The following DENND5A variants were observed in gnomAD, a reference collection of about 807,000 sequenced individuals.
The protein encoded by DENND5A is DENN domain containing 5A, also known as DENN domain-containing protein 5A.
In DENND5A, 64 loss-of-function variants were observed where a neutral mutation model predicts 140.3. The observed-to-expected ratio is 0.46, with a 90% CI of 0.37 to 0.56. The LOEUF is 0.56. DENND5A is among the 20% of genes least tolerant of loss of function. DENND5A has a pLI of 0.00. For synonymous variants in DENND5A, 605 were observed against 607.7 expected (o/e 1.00, Z 0.07); for missense variants, 1,292 against 1,593.8 (o/e 0.81, Z 3.22).
intron 7 of DENND5A, 151 bp downstream of exon 7, chr11:9,178,706 AG>A: frequency 1.5e-6 from 1 of 670,850 alleles, no homozygotes; most frequent in Non-Finnish European, 2.5e-6. Context: ...ATAAGCAACA[AG>A]ACCTATTTTA....
At chr11:9,204,535 G>A (rs1019840713) in intron 3 of DENND5A, among the ~76,000 whole-genome samples, 2 of 152,198 alleles carry the variant, frequency 1.3e-5, no homozygotes, top group Non-Finnish European at 1.5e-5. Context: ...CAGGAACACA[G>A]CACAGACAAC....
chr11:9,248,954 C>G (rs1346551326), intron 1 of DENND5A, among the ~76,000 whole-genome samples: 1 of 152,048 alleles, frequency 6.6e-6, no homozygotes, highest in Non-Finnish European at 1.5e-5. Flanking sequence ...TAACCAAGTC[C>G]TGGCTGGGCG....
Position 9,152,383 on chromosome 11 carries a change from G to C in DENND5A, c.2496C>G (p.Leu832=). Residue 832 remains leucine, a synonymous_variant, in exon 13 of 23, where the codon CTC becomes CTG. Coordinates refer to ENST00000328194, the MANE Select transcript of DENND5A (RefSeq NM_015213.4). ...LHYQDNRQRK[L]TSGSLSTSGI... Reference sequence around the variant, plus strand: ...CTGAGGTACTGAGGCTTCCTGATGTGAGTTTTCTCTGCCGGTTGTCCTGAT... The same window carrying C: ...CTGAGGTACTGAGGCTTCCTGATGTCAGTTTTCTCTGCCGGTTGTCCTGAT... 6.2e-7 allele frequency: 1 copy of C among 1,613,668 alleles called. No individual in the cohort carries two copies. Among genetic ancestry groups the C allele is most frequent in the Non-Finnish European group, 8.5e-7 (1 of 1,179,562 alleles).
chr11:9,207,024 T>C (rs1293509278), intron 2 of DENND5A: 3 of 515,214 alleles, frequency 5.8e-6, no homozygotes, highest in Non-Finnish European at 6.9e-6. Context: ...CAAAATGAAA[T>C]TACTACTCAA....
At position 9,233,166 on chromosome 11, in the gene DENND5A, C is replaced by T. The variant is rs562607566; in HGVS notation, c.110-25534G>A. ...CTATAATCCCAACACTTTGGGAAGCCGAGGCAGGCGGATCACGAGGTCAGG... is the reference window on the plus strand; with the variant it reads ...CTATAATCCCAACACTTTGGGAAGCTGAGGCAGGCGGATCACGAGGTCAGG... On this transcript the variant is annotated intron_variant, in intron 1 of 22. Transcript: ENST00000328194. 2.0e-5 allele frequency among the ~76,000 whole-genome samples: 3 copies of T among 152,136 alleles called. No individual in the cohort carries two copies. The South Asian group carries it at 6.2e-4, about 32-fold the overall frequency.
rs558393073 is a variant in DENND5A at position 9,238,794 on chromosome 11, G to A, written c.109+26167C>T. Among the ~76,000 whole-genome samples, 210 of 151,210 alleles carry A rather than the reference G, an allele frequency of 1.4e-3. 4 individuals carry two copies. Among genetic ancestry groups the A allele is most frequent in the Non-Finnish European group, 7.4e-5 (5 of 67,788 alleles). ...GCCTAATTCCAGATAAAGGGATAAT[G>A]AGTGAATTATTTCCACATCCTTCTA... On this transcript the variant is annotated intron_variant, in intron 1 of 22. Coordinates refer to ENST00000328194, the MANE Select transcript of DENND5A (RefSeq NM_015213.4).
At chr11:9,165,086 G>A (rs747029077) in intron 11 of DENND5A, among the ~76,000 whole-genome samples, 7 of 151,732 alleles carry the variant, frequency 4.6e-5, no homozygotes, top group African/African-American at 9.7e-5. Flanking sequence ...TGCAACCTCC[G>A]CCTCCCGGGT....
intron 1 of DENND5A, among the ~76,000 whole-genome samples, chr11:9,230,031 A>C (rs1165743253): frequency 6.8e-6 from 1 of 147,470 alleles, no homozygotes; most frequent in Non-Finnish European, 1.5e-5. Flanking sequence ...CAGCCTCCCG[A>C]GTAGCTGGGT....
intron 15 of DENND5A, among the ~76,000 whole-genome samples, chr11:9,149,816 G>A (rs1847552332): frequency 6.6e-6 from 1 of 152,216 alleles, no homozygotes; most frequent in African/African-American, 2.4e-5. Flanking sequence ...AGGAAGGAGA[G>A]GAAGACCTCA....
intron 1 of DENND5A, among the ~76,000 whole-genome samples, chr11:9,214,201 T>A (rs1849997712): frequency 6.6e-6 from 1 of 152,186 alleles, no homozygotes; most frequent in African/African-American, 2.4e-5. Context: ...CAACTCACAC[T>A]TCTATTTTTT....
At chr11:9,239,860 T>G (rs1325659344) in intron 1 of DENND5A, among the ~76,000 whole-genome samples, 4 of 152,226 alleles carry the variant, frequency 2.6e-5, no homozygotes, top group Non-Finnish European at 5.9e-5. Flanking sequence ...TTCCCTCACT[T>G]TCTAGTTGTG....
intron 1 of DENND5A, among the ~76,000 whole-genome samples, chr11:9,251,154 A>G (rs4910037): frequency 0.18 from 26,082 of 147,018 alleles, 2,857 homozygotes; most frequent in Non-Finnish European, 0.27. Flanking sequence ...AAAAAAAAAA[A>G]AAAGAAAGAA....
intron 4 of DENND5A, among the ~76,000 whole-genome samples, chr11:9,201,271 C>G (rs559857198): frequency 1.3e-5 from 2 of 150,796 alleles, no homozygotes; most frequent in Non-Finnish European, 2.9e-5. Flanking sequence ...GCTACTCAGG[C>G]GGCTGAGATG....
intron 1 of DENND5A, among the ~76,000 whole-genome samples, chr11:9,220,166 C>CA (rs979503735): frequency 5.5e-4 from 84 of 151,450 alleles, no homozygotes; most frequent in African/African-American, 1.8e-3. Flanking sequence ...ACACTAAAAG[C>CA]AAAAAAAATA....
rs1234650304 is a variant in DENND5A at position 9,154,592 on chromosome 11, A to C, written c.2437-2150T>G. 2.0e-5 allele frequency among the ~76,000 whole-genome samples: 3 copies of C among 152,318 alleles called. No individual in the cohort carries two copies. The East Asian group carries it at 5.8e-4, about 29-fold the overall frequency. ...CGCTATAGATCAGCAAGCTGTCAAA[A>C]TAAGCTTGCTGTATGTTTGTACTTC... On this transcript the variant is annotated intron_variant, in intron 12 of 22. Transcript: ENST00000328194.
At chr11:9,238,453 G>A (rs77793994) in intron 1 of DENND5A, among the ~76,000 whole-genome samples, 24,040 of 150,252 alleles carry the variant, frequency 0.16, 2,142 homozygotes, top group Non-Finnish European at 0.2. Flanking sequence ...ATGCAGTCGC[G>A]CTCTGTCACC....
chr11:9,194,300 C>T (rs897795239), intron 4 of DENND5A, among the ~76,000 whole-genome samples: 3 of 152,198 alleles, frequency 2.0e-5, no homozygotes, highest in Non-Finnish European at 4.4e-5. Flanking sequence ...CATGGTGGCT[C>T]ACGCCTGTAA....
intron 5 of DENND5A, among the ~76,000 whole-genome samples, chr11:9,182,007 G>T (rs1215059050): frequency 6.6e-6 from 1 of 152,126 alleles, no homozygotes; most frequent in Non-Finnish European, 1.5e-5. Context: ...TGCTGATGGG[G>T]TAGATAATCT....
chr11:9,201,392 A>ATT (rs1554924383), intron 4 of DENND5A, among the ~76,000 whole-genome samples: 13 of 150,874 alleles, frequency 8.6e-5, no homozygotes, highest in African/African-American at 1.7e-4. Flanking sequence ...AAAAAAAAAA[A>ATT]TTTTAAGGCT....
Sources: allele counts gnomAD v4.1 joint callset (sites outside exome capture counted in the v4.1 genomes callset), GRCh38; gene constraint gnomAD v4.1.1; transcripts MANE v1.5; gene names NCBI Gene and HGNC (gene_info 2026-07-23, HGNC 2026-07-21).